Variants in TMEFF1 observed in about 807,000 individuals in gnomAD.
The protein encoded by TMEFF1 is tomoregulin-1.
A neutral mutation model predicts 47.5 loss-of-function variants in TMEFF1; 20 were observed. The ratio of observed to expected loss-of-function variants is 0.42; its 90% CI spans 0.30 to 0.61. The LOEUF (loss-of-function observed/expected upper bound fraction) is 0.61. TMEFF1 is among the 20% of genes least tolerant of loss of function. The pLI, the probability that TMEFF1 is intolerant of heterozygous loss-of-function variation, is 0.19. For synonymous variants in TMEFF1, 162 were observed against 166.3 expected (o/e 0.97, Z 0.20); for missense variants, 411 against 471.1 (o/e 0.87, Z 1.18).
In TMEFF1 at chr9:100,576,597, T is replaced by G; in HGVS notation, c.1140T>G (p.Val380=). ...HFTSDTSSRM[V] is the part of the protein sequence containing the mutation. ...CTTCAGATACGTCATCCAGAATGGTTTAAACTGATGACTTTTATATGTACA... is the reference window on the plus strand; with the variant it reads ...CTTCAGATACGTCATCCAGAATGGTGTAAACTGATGACTTTTATATGTACA... Residue 380 remains valine (V), a synonymous_variant, in exon 10 of 10, where the codon GTT becomes GTG. Coordinates refer to ENST00000374879, the MANE Select transcript of TMEFF1 (RefSeq NM_003692.5). 6.2e-7 allele frequency: 1 copy of G among 1,611,478 alleles called. No individual in the cohort carries two copies. The highest frequency in any genetic ancestry group is 8.5e-7 in the Non-Finnish European group (1 of 1,179,168).
At chr9:100,539,062 A>G (rs1838572287) in intron 5 of TMEFF1, among the ~76,000 whole-genome samples, 1 of 152,124 alleles carries the variant, frequency 6.6e-6, no homozygotes. Flanking sequence ...GCCTACCACC[A>G]TGCCCGGCTA....
intron 9 of TMEFF1, among the ~76,000 whole-genome samples, chr9:100,574,790 C>T (rs1256635264): frequency 6.6e-6 from 1 of 152,150 alleles, no homozygotes; most frequent in African/African-American, 2.4e-5. Flanking sequence ...GTCTAAGGTC[C>T]TAGAGCTAGG....
At chr9:100,481,154 C>G (rs1391445649) in intron 1 of TMEFF1, among the ~76,000 whole-genome samples, 1 of 152,232 alleles carries the variant, frequency 6.6e-6, no homozygotes, top group Non-Finnish European at 1.5e-5. Context: ...CACAATGTCT[C>G]TCTCATATCC....
rs1838764396 is a variant in TMEFF1 at position 100,547,840 on chromosome 9, A to G, written c.657A>G (p.Ala219=). The G allele has an allele frequency of 5.0e-6, 8 of 1,610,144 alleles. No homozygotes were observed. The highest frequency in any genetic ancestry group is 6.8e-6 in the Non-Finnish European group (8 of 1,178,814). ...ACAATCCCTGTTTTGTTCGAGAAGC[A>G]TCTTGTATAAAGCAAGAACAAATTG... ...SYNNPCFVRE[A]SCIKQEQIDI... is the part of the protein sequence containing the mutation. Residue 219 remains alanine, a synonymous_variant, in exon 6 of 10, where the codon GCA becomes GCG. Transcript: ENST00000374879.
At chr9:100,516,226 T>C (rs2118387362) in intron 4 of TMEFF1, among the ~76,000 whole-genome samples, 1 of 152,316 alleles carries the variant, frequency 6.6e-6, no homozygotes, top group Admixed American at 6.5e-5. Flanking sequence ...AAGACAAGTA[T>C]GAAACTGATG....
chr9:100,516,872 G>A, intron 5 of TMEFF1, 101 bp downstream of exon 5: 3 of 1,403,354 alleles, frequency 2.1e-6, no homozygotes, highest in South Asian at 3.4e-5. Flanking sequence ...TATCTTTTGT[G>A]TGTTTTCAAA....
At chr9:100,565,564 A>C (rs1369960337) in intron 8 of TMEFF1, among the ~76,000 whole-genome samples, 1 of 152,100 alleles carries the variant, frequency 6.6e-6, no homozygotes, top group African/African-American at 2.4e-5. Flanking sequence ...CCTGCAGTTT[A>C]TACATTCTCC....
chr9:100,498,724 A>G, intron 1 of TMEFF1, 41 bp from the exon 2 acceptor site: 1 of 1,605,184 alleles, frequency 6.2e-7, no homozygotes, highest in Non-Finnish European at 8.5e-7. Flanking sequence ...CACGTAATAA[A>G]AAGCCAAATA....
At chr9:100,503,464 T>C (rs577604210) in intron 2 of TMEFF1, among the ~76,000 whole-genome samples, 1 of 152,180 alleles carries the variant, frequency 6.6e-6, no homozygotes, top group East Asian at 1.9e-4. Context: ...TATTTATCAA[T>C]GTCTGCTCTT....
chr9:100,569,517 G>A (rs1293152708), intron 8 of TMEFF1, among the ~76,000 whole-genome samples: 3 of 151,390 alleles, frequency 2.0e-5, no homozygotes, highest in Admixed American at 1.3e-4. Context: ...ATGTCCTTAA[G>A]TACAAAAGAT....
intron 3 of TMEFF1, among the ~76,000 whole-genome samples, chr9:100,512,143 GT>G (rs1837980294): frequency 6.6e-6 from 1 of 152,112 alleles, no homozygotes; most frequent in African/African-American, 2.4e-5. Context: ...CCTAAGAAGA[GT>G]TTGGTCATAA....
At chr9:100,531,212 A>C (rs928342978) in intron 5 of TMEFF1, among the ~76,000 whole-genome samples, 5 of 152,290 alleles carry the variant, frequency 3.3e-5, no homozygotes, top group African/African-American at 1.2e-4. Flanking sequence ...CTCCTATTCA[A>C]CATAGTGTTG....
In TMEFF1 at chr9:100,577,331, A is replaced by C. The variant is rs1009659646; in HGVS notation, c.*731A>C. 1 of 152,638 alleles carries C rather than the reference A, an allele frequency of 6.6e-6. No homozygotes were observed. The highest frequency in any genetic ancestry group is 2.4e-5 in the African/African-American group (1 of 41,478). 9.5% of individuals were successfully genotyped at this position (152,638 alleles called of 1,614,324 possible). ...TTTTAAAGAAAATGTTTGTTTTAAC[A>C]TAAATAAACAAATCGTATCAGTGTT... On this transcript the variant is annotated 3_prime_UTR_variant, in exon 10 of 10. Coordinates refer to ENST00000374879, the MANE Select transcript of TMEFF1 (RefSeq NM_003692.5).
rs1837263819 is a variant in TMEFF1 at position 100,477,788 on chromosome 9, G to T, written c.196+4048G>T. ...ACTACAGGCGCACACCACCACGCCC[G>T]GCTAATTGTTTGTATTTTAGTAGAT... On this transcript the variant is annotated intron_variant, in intron 1 of 9. Coordinates refer to ENST00000374879, the MANE Select transcript of TMEFF1 (RefSeq NM_003692.5). Among the ~76,000 whole-genome samples the T allele has an allele frequency of 2.0e-5, 3 of 151,706 alleles. No individual in the cohort carries two copies. In the South Asian group the frequency reaches 6.2e-4, roughly 32 times the overall value.
intron 5 of TMEFF1, among the ~76,000 whole-genome samples, chr9:100,532,840 A>C (rs1300231044): frequency 6.6e-6 from 1 of 152,146 alleles, no homozygotes; most frequent in Non-Finnish European, 1.5e-5. Flanking sequence ...AACCAACCCA[A>C]ATGTCCAACA....
chr9:100,539,965 A>G (rs1022458526), intron 5 of TMEFF1, among the ~76,000 whole-genome samples: 1 of 152,330 alleles, frequency 6.6e-6, no homozygotes, highest in Non-Finnish European at 1.5e-5. Context: ...AATTAGCTAC[A>G]CACAGAGCGC....
At chr9:100,478,246 C>T (rs905933529) in intron 1 of TMEFF1, among the ~76,000 whole-genome samples, 2 of 152,190 alleles carry the variant, frequency 1.3e-5, no homozygotes, top group African/African-American at 4.8e-5. Context: ...GCCCTGTTGT[C>T]TCTTGATATT....
Position 100,547,845 on chromosome 9 carries a change from G to T in TMEFF1, c.662G>T (p.Cys221Phe), listed in dbSNP as rs1450432577. ...NNPCFVREAS[C>F]IKQEQIDIRH... ...CCCTGTTTTGTTCGAGAAGCATCTTGTATAAAGCAAGAACAAATTGATATA... is the reference window on the plus strand; with the variant it reads ...CCCTGTTTTGTTCGAGAAGCATCTTTTATAAAGCAAGAACAAATTGATATA... The change falls in exon 6 of 10, where the codon TGT becomes TTT. Residue 221 changes from cysteine to phenylalanine, a missense_variant. Transcript: ENST00000374879. The T allele has an allele frequency of 6.2e-7, 1 of 1,609,124 alleles. No individual in the cohort carries two copies. The highest frequency in any genetic ancestry group is 8.5e-7 in the Non-Finnish European group (1 of 1,178,426).
chr9:100,473,845 C>T lies in TMEFF1; in HGVS notation c.196+105C>T. The T allele has an allele frequency of 1.5e-6, 2 of 1,311,230 alleles. No homozygotes were observed. Among genetic ancestry groups the T allele is most frequent in the Admixed American group, 3.3e-5 (1 of 30,454 alleles). The allele number at this position is 1,311,230 out of a possible 1,614,324, so 81.2% of individuals were successfully genotyped here. A position where few individuals can be genotyped will look rare whatever the true frequency, so the allele number is the denominator to read the frequency against. Reference sequence around the variant, plus strand: ...CTGGGAAAGACCCCGTCGTGGGGGTCCCAGGGGTGGGCCCGAGGGTGAGCG... The same window carrying T: ...CTGGGAAAGACCCCGTCGTGGGGGTTCCAGGGGTGGGCCCGAGGGTGAGCG... On this transcript the variant is annotated intron_variant, in intron 1 of 9. Coordinates refer to ENST00000374879, the MANE Select transcript of TMEFF1 (RefSeq NM_003692.5). The surrounding 1 kb of genome is among the most constrained non-coding windows in gnomAD (Gnocchi z 5.4).
Sources: gnomAD v4.1 joint callset for allele counts (sites outside exome capture counted in the v4.1 genomes callset) on GRCh38, gnomAD v4.1.1 for gene constraint, Gnocchi (gnomAD v3.1) non-coding constraint, MANE v1.5 for transcripts, NCBI Gene and HGNC (gene_info 2026-07-23, HGNC 2026-07-21) for gene names.